FAM120A: variants seen among roughly 807,000 people sequenced by gnomAD.
FAM120A encodes the protein constitutive coactivator of PPAR-gamma-like protein 1.
Under a neutral mutation model 109.7 loss-of-function variants are expected in FAM120A, and 15 were observed. The ratio of observed to expected loss-of-function variants is 0.14; its 90% CI spans 0.09 to 0.21. FAM120A has a LOEUF of 0.21. FAM120A is among the 10% of genes least tolerant of loss of function. FAM120A has a pLI of 1.00. For synonymous variants in FAM120A, 493 were observed against 572.8 expected (o/e 0.86, Z 1.99); for missense variants, 899 against 1,439.3 (o/e 0.62, Z 6.07).
At chr9:93,559,597 G>A (rs928505855) in intron 15 of FAM120A, among the ~76,000 whole-genome samples, 2 of 152,218 alleles carry the variant, frequency 1.3e-5, no homozygotes, top group Non-Finnish European at 2.9e-5. Flanking sequence ...ATGCCTCTCT[G>A]CCTCCTCTGT....
At chr9:93,513,887 C>T (rs1196769400) in intron 5 of FAM120A, among the ~76,000 whole-genome samples, 5 of 152,152 alleles carry the variant, frequency 3.3e-5, no homozygotes, top group East Asian at 1.9e-4. Flanking sequence ...TTTCAGAGAA[C>T]GAGAGTGAAG....
At chr9:93,472,020 G>A (rs1858334046) in intron 2 of FAM120A, among the ~76,000 whole-genome samples, 1 of 152,068 alleles carries the variant, frequency 6.6e-6, no homozygotes, top group African/African-American at 2.4e-5. Context: ...AGCACTTTGG[G>A]AGGCCAAGGT....
rs1862574084 is a variant in FAM120A at position 93,564,402 on chromosome 9, C to A, written c.3219C>A (p.Ala1073=). ...ACGGGAGCACGGGTGACGCCAGGGC[C>A]CCCAGCCACTCTGAAAGTGCCTTGA... ...QMNGSTGDAR[A]PSHSESALNN... is the part of the protein sequence containing the mutation. Residue 1073 remains alanine (A), a synonymous_variant, in exon 18 of 18, where the codon GCC becomes GCA. Coordinates refer to ENST00000277165, the MANE Select transcript of FAM120A (RefSeq NM_014612.5). 1.2e-6 allele frequency: 2 copies of A among 1,614,090 alleles called. No homozygotes were observed. Among genetic ancestry groups the A allele is most frequent in the Admixed American group, 1.7e-5 (1 of 60,010 alleles).
chr9:93,514,182 G>C (rs1468300621), intron 5 of FAM120A, among the ~76,000 whole-genome samples: 1 of 152,146 alleles, frequency 6.6e-6, no homozygotes, highest in Non-Finnish European at 1.5e-5. Context: ...AGGGGGAAGA[G>C]CCCCTTATAC....
intron 11 of FAM120A, among the ~76,000 whole-genome samples, chr9:93,546,897 A>T (rs924087238): frequency 9.9e-5 from 15 of 152,244 alleles, no homozygotes; most frequent in Non-Finnish European, 2.2e-4. Context: ...GGAACCCCAC[A>T]GAAGGGGTAT....
Position 93,500,674 on chromosome 9 carries a change from A to G in FAM120A, c.1030+1788A>G, listed in dbSNP as rs954185895. 6.6e-6 allele frequency among the ~76,000 whole-genome samples: 1 copy of G among 152,226 alleles called. No individual in the cohort carries two copies. The stretch of plus-strand genomic sequence containing the variant: ...AAGTGGTGAGATGTGTTTTAGGATT[A>G]TTTTTGGAAAAGGGGGCACAGAGCA... On this transcript the variant is annotated intron_variant, in intron 5 of 17. Transcript: ENST00000277165. The surrounding 1 kb of genome is among the most constrained non-coding windows in gnomAD (Gnocchi z 4.6).
intron 1 of FAM120A, among the ~76,000 whole-genome samples, chr9:93,453,853 G>C (rs1454073159): frequency 6.6e-6 from 1 of 152,234 alleles, no homozygotes; most frequent in Non-Finnish European, 1.5e-5. Flanking sequence ...GTTTAGTCTT[G>C]TTCAGAGATG....
rs529702475 is a variant in FAM120A, at chr9:93,527,059, T to TATA, written c.1419-94_1419-93insAAT. ...GTTGTGTTTATTTTAAAAGTATTGT[T>TATA]ATTATGAGCCTGAAGACTTAGCTGA... On this transcript the variant is annotated intron_variant, in intron 7 of 17. Coordinates refer to ENST00000277165, the MANE Select transcript of FAM120A (RefSeq NM_014612.5). 2.0e-4 allele frequency: 175 copies of TATA among 866,506 alleles called. No homozygotes were observed. In the East Asian group the frequency reaches 2.3e-3, roughly 12 times the overall value. 53.7% of individuals were successfully genotyped at this position (866,506 alleles called of 1,614,324 possible).
At chr9:93,506,969 G>A (rs1295616754) in intron 5 of FAM120A, among the ~76,000 whole-genome samples, 12 of 152,172 alleles carry the variant, frequency 7.9e-5, no homozygotes, top group Admixed American at 7.2e-4. Flanking sequence ...TTAAGGGGGA[G>A]TCTGATGTCT....
intron 1 of FAM120A, among the ~76,000 whole-genome samples, chr9:93,462,354 C>G (rs759390778): frequency 1.3e-5 from 2 of 149,566 alleles, no homozygotes; most frequent in Non-Finnish European, 3.0e-5. Flanking sequence ...GATCTCAGCC[C>G]ACTGCAACCT....
intron 1 of FAM120A, among the ~76,000 whole-genome samples, chr9:93,467,258 C>CCCCCCCG (rs56698785): frequency 6.1e-5 from 3 of 49,170 alleles, no homozygotes; most frequent in African/African-American, 1.1e-4. Context: ...CCCCCCCCCC[C>CCCCCCCG]TTTTCCCCCA....
chr9:93,466,283 A>G (rs1030581632), intron 1 of FAM120A, among the ~76,000 whole-genome samples: 7 of 151,844 alleles, frequency 4.6e-5, no homozygotes, highest in Non-Finnish European at 8.8e-5. Flanking sequence ...TCATTTAATC[A>G]TTTATTTATA....
At chr9:93,544,821 C>A (rs1462006553) in intron 11 of FAM120A, among the ~76,000 whole-genome samples, 1 of 152,120 alleles carries the variant, frequency 6.6e-6, no homozygotes. Context: ...CTCCTTCTGT[C>A]CCATTAGGCA....
chr9:93,456,847 A>G (rs1379827997), intron 1 of FAM120A, among the ~76,000 whole-genome samples: 1 of 152,240 alleles, frequency 6.6e-6, no homozygotes, highest in Admixed American at 6.5e-5. Context: ...GTTGCTATTC[A>G]GAAGAAAAAT....
At chr9:93,474,636 C>G (rs996417148) in intron 2 of FAM120A, among the ~76,000 whole-genome samples, 2 of 150,968 alleles carry the variant, frequency 1.3e-5, no homozygotes, top group Non-Finnish European at 3.0e-5. Flanking sequence ...CTCTGTCGCC[C>G]AGGCTGGAGT....
chr9:93,546,034 C>A (rs748490985), intron 11 of FAM120A, among the ~76,000 whole-genome samples: 8 of 151,924 alleles, frequency 5.3e-5, no homozygotes, highest in Non-Finnish European at 8.8e-5. Context: ...GATCCACCCA[C>A]CTCGGCCTCC....
At chr9:93,512,034 C>T (rs1297175061) in intron 5 of FAM120A, among the ~76,000 whole-genome samples, 2 of 152,224 alleles carry the variant, frequency 1.3e-5, no homozygotes, top group African/African-American at 2.4e-5. Flanking sequence ...TCAAGTGATT[C>T]GCCTGCCTTG....
At chr9:93,520,470 A>C (rs1219940524) in intron 7 of FAM120A, among the ~76,000 whole-genome samples, 1 of 152,256 alleles carries the variant, frequency 6.6e-6, no homozygotes. Context: ...CTTAGACCAT[A>C]AGATACCTTT....
At chr9:93,560,187 C>A (rs1478180032) in intron 15 of FAM120A, among the ~76,000 whole-genome samples, 1 of 151,900 alleles carries the variant, frequency 6.6e-6, no homozygotes, top group Non-Finnish European at 1.5e-5. Context: ...CCCAGCTACT[C>A]AGGAGGCTGA....
Sources: gnomAD v4.1 joint callset for allele counts (sites outside exome capture counted in the v4.1 genomes callset) on GRCh38, gnomAD v4.1.1 for gene constraint, Gnocchi (gnomAD v3.1) non-coding constraint, MANE v1.5 for transcripts, NCBI Gene and HGNC (gene_info 2026-07-23, HGNC 2026-07-21) for gene names.